NOS1: variants seen among roughly 807,000 people sequenced by gnomAD.
NOS1 encodes NOS type I.
NOS1 carries 51 observed loss-of-function variants against 164.5 expected under a neutral mutation model. That is an observed-to-expected ratio of 0.31 (90% CI 0.25 to 0.39). The LOEUF is 0.39. Ranked by LOEUF, NOS1 falls within the 10% of genes least tolerant of loss-of-function variation. The pLI is 1.00. For synonymous variants in NOS1, 719 were observed against 745.8 expected (o/e 0.96, Z 0.59); for missense variants, 1,362 against 1,885.6 (o/e 0.72, Z 5.14).
chr12:117,342,959 T>C (rs1876182665), intron 1 of NOS1, among the ~76,000 whole-genome samples: 1 of 152,134 alleles, frequency 6.6e-6, no homozygotes, highest in Non-Finnish European at 1.5e-5. Context: ...AGGAGGTGTC[T>C]GCAGTGACCT....
intron 3 of NOS1, among the ~76,000 whole-genome samples, chr12:117,294,192 G>A (rs1873248451): frequency 6.6e-6 from 1 of 152,218 alleles, no homozygotes; most frequent in African/African-American, 2.4e-5. Context: ...TAGAGGCTGA[G>A]GAGCAGCTGA....
chr12:117,228,838 C>T (rs534730689), intron 22 of NOS1, among the ~76,000 whole-genome samples: 3 of 152,098 alleles, frequency 2.0e-5, no homozygotes, highest in South Asian at 2.1e-4. Flanking sequence ...TGGAGTGCAA[C>T]GGCACGATCT....
chr12:117,256,949 G>A lies in NOS1; in HGVS notation c.2531+1448C>T, dbSNP rs181818080. On this transcript the variant is annotated intron_variant, in intron 16 of 28. Transcript: ENST00000317775. ...TAGCCAGGCATGGTGGTGTGTGCCT[G>A]TAATCCCACCTACTCGGGAGGCTGA... 6.5e-3 allele frequency among the ~76,000 whole-genome samples: 986 copies of A among 152,236 alleles called. 11 individuals carry two copies. Among genetic ancestry groups the A allele is most frequent in the African/African-American group, 0.023 (942 of 41,562 alleles).
chr12:117,231,913 G>A (rs764369119), intron 22 of NOS1, 49 bp downstream of exon 22: 13 of 1,550,928 alleles, frequency 8.4e-6, no homozygotes, highest in East Asian at 4.7e-5. Flanking sequence ...CTTTAATGAC[G>A]AGGAGGTGAA....
At chr12:117,264,715 T>C (rs1030321470) in intron 12 of NOS1, among the ~76,000 whole-genome samples, 2 of 144,452 alleles carry the variant, frequency 1.4e-5, no homozygotes, top group Admixed American at 7.0e-5. Flanking sequence ...CCCTCTCCCT[T>C]TCCCTCTCTC....
chr12:117,209,262 T>A lies in NOS1; in HGVS notation c.*6047A>T. ...ATTGGGCAATGTCTGATGACATACT[T>A]GATTGTTACCGTTGGCAGGACACTG... On this transcript the variant is annotated 3_prime_UTR_variant, in exon 29 of 29. Transcript: ENST00000317775. The A allele has an allele frequency of 1.1e-5, 11 of 975,704 alleles. No individual in the cohort carries two copies. Among genetic ancestry groups the A allele is most frequent in the Non-Finnish European group, 1.3e-5 (11 of 821,030 alleles). 60.4% of individuals were successfully genotyped at this position (975,704 alleles called of 1,614,324 possible).
intron 3 of NOS1, among the ~76,000 whole-genome samples, chr12:117,307,168 G>A (rs1184176156): frequency 6.6e-6 from 1 of 152,112 alleles, no homozygotes; most frequent in African/African-American, 2.4e-5. Flanking sequence ...GGCCTCCCCT[G>A]CTTCTTCCTT....
At chr12:117,265,148 T>C (rs919087378) in intron 12 of NOS1, among the ~76,000 whole-genome samples, 168 bp downstream of exon 12, 1 of 152,176 alleles carries the variant, frequency 6.6e-6, no homozygotes, top group South Asian at 2.1e-4. Context: ...GTCGGCCTCA[T>C]ATAGTCTCTC....
At chr12:117,294,009 G>C (rs1873234297) in intron 3 of NOS1, among the ~76,000 whole-genome samples, 1 of 152,116 alleles carries the variant, frequency 6.6e-6, no homozygotes, top group Non-Finnish European at 1.5e-5. Flanking sequence ...GTCACATCTG[G>C]GCAGGGCTTT....
rs1025875883 is a variant in NOS1, at chr12:117,263,831, C to T, written c.2222+58G>A. 3.7e-6 allele frequency: 5 copies of T among 1,342,768 alleles called. No individual in the cohort carries two copies. In the Admixed American group the frequency reaches 5.0e-5, roughly 14 times the overall value. The allele number at this position is 1,342,768 out of a possible 1,614,324, so 83.2% of individuals were successfully genotyped here. The stretch of plus-strand genomic sequence containing the variant: ...ACAGGAGTCTGCCCAGCCTCCTTCT[C>T]TGGGTTCTCTGAGTTTGTGGGGACA... On this transcript the variant is annotated intron_variant, in intron 13 of 28. Transcript: ENST00000317775.
intron 20 of NOS1, among the ~76,000 whole-genome samples, chr12:117,235,780 C>A (rs1412913241): frequency 6.6e-6 from 1 of 152,176 alleles, no homozygotes; most frequent in Non-Finnish European, 1.5e-5. Context: ...CGGTGGCTCA[C>A]GCCTGTAATC....
At chr12:117,277,921 C>T (rs778949631) in intron 9 of NOS1, 38 bp downstream of exon 9, 23 of 1,479,154 alleles carry the variant, frequency 1.6e-5, no homozygotes, top group South Asian at 7.1e-5. Context: ...CTGGGCAAAC[C>T]CACTCACCCT....
Position 117,213,640 on chromosome 12 carries a change from G to C in NOS1, c.*1669C>G. 1 of 985,442 alleles carries C rather than the reference G, an allele frequency of 1.0e-6. No homozygotes were observed. The highest frequency in any genetic ancestry group is 6.1e-5 in the Admixed American group (1 of 16,278). 61.0% of individuals were successfully genotyped at this position (985,442 alleles called of 1,614,324 possible). A position where few individuals can be genotyped will look rare whatever the true frequency, so the allele number is the denominator to read the frequency against. ...GGGCCAGTGCACTTCCTCTTTAGCA[G>C]ACACCCAAACTGAACAACAAGATAT... On this transcript the variant is annotated 3_prime_UTR_variant, in exon 29 of 29. Transcript: ENST00000317775.
chr12:117,260,455 C>T lies in NOS1; in HGVS notation c.2367+10G>A. On this transcript the variant is annotated intron_variant, in intron 14 of 28. Coordinates refer to ENST00000317775, the MANE Select transcript of NOS1 (RefSeq NM_000620.5). ...AGAAGCTGGTGGAGCTAGGGCTACC[C>T]CCCACCTACCTTGGCATCAAAGGCG... The T allele has an allele frequency of 1.2e-6, 2 of 1,612,914 alleles. No homozygotes were observed. The highest frequency in any genetic ancestry group is 1.7e-6 in the Non-Finnish European group (2 of 1,179,004).
Position 117,356,802 on chromosome 12 carries a change from T to C in NOS1, c.-421+4710A>G, listed in dbSNP as rs559773157. Among the ~76,000 whole-genome samples, 1 of 152,338 alleles carries C rather than the reference T, an allele frequency of 6.6e-6. No homozygotes were observed. Among genetic ancestry groups the C allele is most frequent in the South Asian group, 2.1e-4 (1 of 4,824 alleles). ...GTCATTTTCATTTAAAAGATTCGAA[T>C]GGGCTCAATTTTCCAGCATTGCCAG... is the stretch of plus-strand genomic sequence containing the variant. On this transcript the variant is annotated intron_variant, in intron 1 of 28. Coordinates refer to ENST00000317775, the MANE Select transcript of NOS1 (RefSeq NM_000620.5). This position sits in a 1 kb window ranked among gnomAD's most constrained non-coding sequence, Gnocchi z 4.2.
In NOS1 at chr12:117,295,700, C is replaced by CTCCATCATCT. The variant is rs560127891; in HGVS notation, c.853-5284_853-5275dup. Reference sequence around the variant, plus strand: ...TGGTGTGATCTTGGCTCACTGCAACCTCCATCATCTTCTGGGTTAAGTGAT... The same window carrying CTCCATCATCT: ...TGGTGTGATCTTGGCTCACTGCAACCTCCATCATCTTCCATCATCTTCTGGGTTAAGTGAT... On this transcript the variant is annotated intron_variant, in intron 3 of 28. Transcript: ENST00000317775. Among the ~76,000 whole-genome samples the CTCCATCATCT allele has an allele frequency of 7.6e-4, 113 of 148,678 alleles. 1 individual carries two copies. In the East Asian group the frequency reaches 0.021, roughly 28 times the overall value.
In NOS1 at chr12:117,243,672, C is replaced by G. The variant is rs182361497; in HGVS notation, c.2824-237G>C. Reference sequence around the variant, plus strand: ...CGTTGTCTTCCTTCCATCCATTCACCCATCCACTCATCTACTCTTCCATTC... The same window carrying G: ...CGTTGTCTTCCTTCCATCCATTCACGCATCCACTCATCTACTCTTCCATTC... On this transcript the variant is annotated intron_variant, in intron 18 of 28. Transcript: ENST00000317775. The surrounding 1 kb of genome is among the most constrained non-coding windows in gnomAD (Gnocchi z 4.3). 6.6e-6 allele frequency among the ~76,000 whole-genome samples: 1 copy of G among 151,364 alleles called. No individual in the cohort carries two copies. The highest frequency in any genetic ancestry group is 2.0e-4 in the East Asian group (1 of 5,096).
Position 117,226,756 on chromosome 12 carries a change from T to C in NOS1, c.3631A>G (p.Ile1211Val). 6.2e-7 allele frequency: 1 copy of C among 1,613,930 alleles called. No homozygotes were observed. Among genetic ancestry groups the C allele is most frequent in the Non-Finnish European group, 8.5e-7 (1 of 1,179,880 alleles). Residue 1211 changes from isoleucine to valine, a missense_variant, in exon 24 of 29, where the codon ATT (isoleucine) becomes GTT (valine). By Grantham distance (29) the Ile-to-Val change is conservative. Around this residue, in one of 4 missense-constraint regions of NOS1, gnomAD observed 737 missense variants for 1,030.3 expected, o/e 0.72. Transcript: ENST00000317775. ...CAGGAGGAGCATACGCCGTGGTGAATTGGTCCTTCTCCATCTAGTAGAATA... is the reference window on the plus strand; with the variant it reads ...CAGGAGGAGCATACGCCGTGGTGAACTGGTCCTTCTCCATCTAGTAGAATA... ...SYRTRDGEGP[I>V]HHGVCSSWLN...
At chr12:117,282,062 G>A (rs1455932262) in intron 7 of NOS1, among the ~76,000 whole-genome samples, 2 of 152,122 alleles carry the variant, frequency 1.3e-5, no homozygotes, top group Non-Finnish European at 1.5e-5. Context: ...AGTGAAGGCT[G>A]TATTCTTTTA....
Sources: allele counts gnomAD v4.1 joint callset (sites outside exome capture counted in the v4.1 genomes callset), GRCh38; gene constraint gnomAD v4.1.1; regional missense constraint gnomAD v4.1.1; non-coding constraint Gnocchi (gnomAD v3.1); transcripts MANE v1.5; gene names NCBI Gene and HGNC (gene_info 2026-07-23, HGNC 2026-07-21).